Variants in TANC1 observed in about 807,000 individuals in gnomAD.
TANC1 encodes protein TANC1.
A neutral mutation model predicts 149.7 loss-of-function variants in TANC1; 77 were observed. That is an observed-to-expected ratio of 0.51 (90% CI 0.43 to 0.62). The LOEUF is 0.62. Among genes scored for constraint, TANC1 ranks in the 20% least tolerant of loss-of-function variants. TANC1 has a pLI of 0.00. For synonymous variants in TANC1, 854 were observed against 925.0 expected (o/e 0.92, Z 1.39); for missense variants, 1,985 against 2,321.8 (o/e 0.85, Z 2.98).
intron 16 of TANC1, among the ~76,000 whole-genome samples, chr2:159,190,323 A>T (rs1010890523): frequency 2.0e-5 from 3 of 152,160 alleles, no homozygotes; most frequent in African/African-American, 4.8e-5. Flanking sequence ...TGGCAAAATT[A>T]TCCAGGGAAT....
intron 4 of TANC1, among the ~76,000 whole-genome samples, chr2:159,120,372 AT>A (rs1005938637): frequency 6.6e-6 from 1 of 151,022 alleles, no homozygotes; most frequent in African/African-American, 2.4e-5. Context: ...TTTTTTTTTA[AT>A]TTTTTTTTAG....
intron 19 of TANC1, among the ~76,000 whole-genome samples, chr2:159,204,627 T>G (rs537354418): frequency 9.8e-5 from 15 of 152,310 alleles, no homozygotes; most frequent in Admixed American, 7.2e-4. Context: ...CAGAGCCCCA[T>G]GCTTCATGCA....
intron 1 of TANC1, among the ~76,000 whole-genome samples, chr2:158,999,971 T>A (rs2036478414): frequency 1.3e-5 from 2 of 152,160 alleles, no homozygotes; most frequent in Non-Finnish European, 2.9e-5. Context: ...AGATGGAATC[T>A]CACTGTGTTG....
intron 18 of TANC1, among the ~76,000 whole-genome samples, chr2:159,197,604 A>AACAC (rs35552387): frequency 9.1e-4 from 131 of 143,816 alleles, no homozygotes; most frequent in East Asian, 3.5e-3. Flanking sequence ...TTAAACATTA[A>AACAC]ACACACACAC....
chr2:159,051,937 T>A (rs1160697299), intron 2 of TANC1, among the ~76,000 whole-genome samples: 1 of 152,140 alleles, frequency 6.6e-6, no homozygotes, highest in Non-Finnish European at 1.5e-5. Context: ...ATGGCTCAGT[T>A]TAAGTCCGTG....
intron 14 of TANC1, among the ~76,000 whole-genome samples, chr2:159,181,096 T>C (rs1194702791): frequency 1.3e-5 from 2 of 152,226 alleles, no homozygotes; most frequent in Non-Finnish European, 2.9e-5. Flanking sequence ...TTTTTATTTC[T>C]GCCTCTTTCT....
intron 17 of TANC1, among the ~76,000 whole-genome samples, chr2:159,195,121 G>A (rs747737652): frequency 5.3e-5 from 8 of 152,132 alleles, no homozygotes; most frequent in Non-Finnish European, 8.8e-5. Context: ...ACTCTAGAGC[G>A]ATCAACTTTT....
chr2:159,194,157 C>G, intron 16 of TANC1, 100 bp from the exon 17 acceptor site: 1 of 892,110 alleles, frequency 1.1e-6, no homozygotes. Flanking sequence ...TTGAGAACCA[C>G]TGGATTAAAA....
At position 159,117,497 on chromosome 2, in the gene TANC1, G is replaced by A. The variant is rs375106531; in HGVS notation, c.260-18697G>A. Among the ~76,000 whole-genome samples the A allele has an allele frequency of 5.7e-3, 873 of 152,008 alleles. 15 individuals are homozygous for A. Among genetic ancestry groups the A allele is most frequent in the African/African-American group, 0.02 (812 of 41,452 alleles). On this transcript the variant is annotated intron_variant, in intron 4 of 26. Transcript: ENST00000263635. ...TGCAAGCTCCGCCTCCTGGGTTCAC[G>A]CCATTCTCCTGCCTCAGCCTCCCGA...
intron 1 of TANC1, among the ~76,000 whole-genome samples, chr2:158,986,186 C>T (rs1369406684): frequency 6.6e-6 from 1 of 152,090 alleles, no homozygotes; most frequent in African/African-American, 2.4e-5. Flanking sequence ...CTTAACAAGA[C>T]GGAATGAGAA....
At chr2:159,180,485 A>G (rs1204972801) in intron 14 of TANC1, among the ~76,000 whole-genome samples, 3 of 152,206 alleles carry the variant, frequency 2.0e-5, no homozygotes, top group African/African-American at 7.2e-5. Flanking sequence ...ATTGGTGGGC[A>G]TTGAGGTTAT....
At chr2:159,068,317 GCAATA>G (rs1464049349) in intron 3 of TANC1, among the ~76,000 whole-genome samples, 28 of 152,258 alleles carry the variant, frequency 1.8e-4, no homozygotes, top group Non-Finnish European at 5.9e-5. Context: ...AATATCTCCT[GCAATA>G]TGGAAAAATT....
intron 2 of TANC1, among the ~76,000 whole-genome samples, chr2:159,054,749 C>T (rs1250656311): frequency 1.3e-5 from 2 of 152,182 alleles, no homozygotes; most frequent in African/African-American, 4.8e-5. Flanking sequence ...CTCAAGGTCT[C>T]TTTTCATAGT....
rs139583150 is a variant in TANC1, at chr2:159,143,092, C to CAAA, written c.365-6043_365-6041dup. 1.3e-4 allele frequency among the ~76,000 whole-genome samples: 12 copies of CAAA among 94,770 alleles called. 1 individual carries two copies. Among genetic ancestry groups the CAAA allele is most frequent in the Non-Finnish European group, 3.3e-4 (11 of 33,432 alleles). The allele number at this position is 94,770 out of a possible 152,430, so 62.2% of individuals were successfully genotyped here. A position where few individuals can be genotyped will look rare whatever the true frequency, so the allele number is the denominator to read the frequency against. On this transcript the variant is annotated intron_variant, in intron 5 of 26. Transcript: ENST00000263635. ...AAAAAAAAAAAACAACAAAACAAAA[C>CAAA]AAAAAAAAACAAAAAACCAACTCTG...
intron 4 of TANC1, among the ~76,000 whole-genome samples, chr2:159,123,918 C>T (rs945338327): frequency 1.3e-5 from 2 of 152,184 alleles, no homozygotes; most frequent in African/African-American, 4.8e-5. Flanking sequence ...ACAGCTCAAT[C>T]GCTGCCTTCC....
At chr2:159,162,797 A>G (rs1187906105) in intron 7 of TANC1, among the ~76,000 whole-genome samples, 1 of 152,110 alleles carries the variant, frequency 6.6e-6, no homozygotes, top group Non-Finnish European at 1.5e-5. Context: ...TGACTTTATA[A>G]TTGTATTTTT....
chr2:159,092,829 T>C (rs182083485), intron 3 of TANC1, among the ~76,000 whole-genome samples: 1 of 152,354 alleles, frequency 6.6e-6, no homozygotes, highest in Admixed American at 6.5e-5. Context: ...CTTATGTATT[T>C]AAAATACTCA....
At chr2:159,010,618 C>G (rs548867353) in intron 2 of TANC1, among the ~76,000 whole-genome samples, 2 of 151,906 alleles carry the variant, frequency 1.3e-5, no homozygotes, top group Non-Finnish European at 2.9e-5. Context: ...AATACTGACA[C>G]GTGGCTCTAG....
intron 11 of TANC1, among the ~76,000 whole-genome samples, chr2:159,174,288 C>T (rs1374753268): frequency 6.6e-6 from 1 of 152,156 alleles, no homozygotes; most frequent in African/African-American, 2.4e-5. Context: ...GGGACCATTC[C>T]TTTTCCTCTC....
Sources: gnomAD v4.1 joint callset for allele counts (sites outside exome capture counted in the v4.1 genomes callset) on GRCh38, gnomAD v4.1.1 for gene constraint, MANE v1.5 for transcripts, NCBI Gene and HGNC (gene_info 2026-07-23, HGNC 2026-07-21) for gene names.